The following NBEA variants were observed in gnomAD, a reference collection of about 807,000 sequenced individuals.
NBEA encodes the protein lysosomal-trafficking regulator 2.
NBEA carries 44 observed loss-of-function variants against 343.4 expected under a neutral mutation model. That is an observed-to-expected ratio of 0.13 (90% CI 0.10 to 0.16). The LOEUF (loss-of-function observed/expected upper bound fraction) is 0.16. NBEA is among the 10% of genes least tolerant of loss of function. NBEA has a pLI of 1.00. For synonymous variants in NBEA, 1,175 were observed against 1,238.7 expected, an observed-to-expected ratio of 0.95 and a Z score of 1.08; for missense variants, 2,555 against 3,631.3, an observed-to-expected ratio of 0.70 and a Z score of 7.62.
chr13:35,631,985 A>G (rs1262056795), intron 49 of NBEA, among the ~76,000 whole-genome samples: 2 of 152,188 alleles, frequency 1.3e-5, no homozygotes, highest in African/African-American at 4.8e-5. Flanking sequence ...ACATGACAGT[A>G]CAGTTCTGGT....
intron 34 of NBEA, among the ~76,000 whole-genome samples, chr13:35,269,607 G>C (rs2033970246): frequency 6.6e-6 from 1 of 152,134 alleles, no homozygotes; most frequent in African/African-American, 2.4e-5. Context: ...AACGAATATA[G>C]AACTGTAGGG....
intron 34 of NBEA, among the ~76,000 whole-genome samples, chr13:35,262,896 C>A (rs2152799255): frequency 6.6e-6 from 1 of 152,286 alleles, no homozygotes; most frequent in Non-Finnish European, 1.5e-5. Context: ...GTCAGTCCTA[C>A]CCAAAGCAAT....
rs192889192 is a variant in NBEA at position 35,073,810 on chromosome 13, C to T, written c.1571+2958C>T. Among the ~76,000 whole-genome samples the T allele has an allele frequency of 3.6e-3, 554 of 152,074 alleles. 2 individuals carry two copies. Among genetic ancestry groups the T allele is most frequent in the Admixed American group, 6.0e-3 (92 of 15,244 alleles). ...AGAAGAAGTTAGACGGGCATGGTGG[C>T]ATGCACCTGTAGCCCCAGCTACTGG... On this transcript the variant is annotated intron_variant, in intron 10 of 58. Transcript: ENST00000379939.
chr13:35,123,478 G>A lies in NBEA; in HGVS notation c.2244-4G>A, dbSNP rs746953597. The A allele has an allele frequency of 2.0e-6, 3 of 1,473,196 alleles. No individual in the cohort carries two copies. The highest frequency in any genetic ancestry group is 2.7e-6 in the Non-Finnish European group (3 of 1,097,588). 91.3% of individuals were successfully genotyped at this position (1,473,196 alleles called of 1,614,324 possible). On this transcript the variant is annotated splice_region_variant and splice_polypyrimidine_tract_variant and intron_variant, in intron 16 of 58. Coordinates refer to ENST00000379939, the MANE Select transcript of NBEA (RefSeq NM_001385012.1). ...TTTTAAAAGATAATTTATATATTTTGTAGGGTGATCTACAAATTATTGGCT... is the reference window on the plus strand; with the variant it reads ...TTTTAAAAGATAATTTATATATTTTATAGGGTGATCTACAAATTATTGGCT...
intron 24 of NBEA, chr13:35,165,100 G>T (rs771051654): frequency 4.9e-5 from 26 of 533,874 alleles, no homozygotes; most frequent in South Asian, 3.4e-4. Context: ...CCACGTTCTT[G>T]TTGCCGTATT....
intron 41 of NBEA, chr13:35,476,295 CCCTGCTGCTGCTGCTGCT>C (rs1566191110): frequency 5.7e-6 from 5 of 882,162 alleles, no homozygotes; most frequent in Non-Finnish European, 8.5e-6. Context: ...GCGTTGGTTT[CCCTGCTGCTGCTGCTGCT>C]GCTGCTGCTG....
At chr13:35,043,488 G>GA (rs1024977689) in intron 2 of NBEA, among the ~76,000 whole-genome samples, 1 of 151,642 alleles carries the variant, frequency 6.6e-6, no homozygotes, top group Non-Finnish European at 1.5e-5. Context: ...AATGGACTAA[G>GA]AAAAAAATAC....
chr13:35,129,754 G>A (rs2067314832), intron 17 of NBEA, among the ~76,000 whole-genome samples: 1 of 152,078 alleles, frequency 6.6e-6, no homozygotes, highest in Admixed American at 6.6e-5. Context: ...TGATTTCTCA[G>A]ATTTTGGAAG....
chr13:35,051,248 G>A (rs1401738213), intron 6 of NBEA, among the ~76,000 whole-genome samples: 6 of 151,982 alleles, frequency 3.9e-5, no homozygotes, highest in East Asian at 1.9e-4. Context: ...GATTATCAAC[G>A]TTTTTTAGGG....
intron 38 of NBEA, among the ~76,000 whole-genome samples, chr13:35,374,611 C>T (rs553302328): frequency 6.6e-6 from 1 of 152,106 alleles, no homozygotes; most frequent in Admixed American, 6.5e-5. Context: ...CAAAATCCTG[C>T]AGTTTTATGA....
intron 38 of NBEA, among the ~76,000 whole-genome samples, chr13:35,403,185 T>A (rs1221005107): frequency 1.3e-5 from 2 of 151,406 alleles, no homozygotes; most frequent in Non-Finnish European, 3.0e-5. Context: ...AAATAAAAAA[T>A]TAATTAAAAT....
At chr13:35,063,926 T>C (rs983416827) in intron 8 of NBEA, among the ~76,000 whole-genome samples, 7 of 151,980 alleles carry the variant, frequency 4.6e-5, no homozygotes, top group African/African-American at 7.2e-5. Context: ...AGCAAGTAAG[T>C]GACCCCATGA....
At chr13:35,482,772 T>C (rs2076168837) in intron 41 of NBEA, among the ~76,000 whole-genome samples, 1 of 151,842 alleles carries the variant, frequency 6.6e-6, no homozygotes, top group Admixed American at 6.6e-5. Context: ...TAGTATTCCA[T>C]GATTTTTCCA....
chr13:35,100,810 A>T (rs2065607473), intron 11 of NBEA, among the ~76,000 whole-genome samples: 1 of 151,958 alleles, frequency 6.6e-6, no homozygotes, highest in South Asian at 2.1e-4. Context: ...ATAGAAAATT[A>T]ATCTTTTATC....
intron 18 of NBEA, among the ~76,000 whole-genome samples, chr13:35,149,458 A>G (rs2068638174): frequency 1.3e-5 from 2 of 152,196 alleles, no homozygotes; most frequent in Non-Finnish European, 2.9e-5. Flanking sequence ...ATGTCATGCC[A>G]CTAATAAATA....
chr13:35,349,493 T>A (rs1262056750), intron 37 of NBEA, among the ~76,000 whole-genome samples: 2 of 152,102 alleles, frequency 1.3e-5, no homozygotes, highest in Non-Finnish European at 2.9e-5. Flanking sequence ...AAAAATAATT[T>A]ATAATGCAAC....
At chr13:35,102,430 C>T (rs946188339) in intron 11 of NBEA, among the ~76,000 whole-genome samples, 5 of 151,532 alleles carry the variant, frequency 3.3e-5, no homozygotes, top group African/African-American at 1.2e-4. Flanking sequence ...TATATATCAG[C>T]TTATCAACTT....
chr13:35,572,501 TA>T lies in NBEA; in HGVS notation c.7035+5486del, dbSNP rs144783608. On this transcript the variant is annotated intron_variant, in intron 45 of 58. Transcript: ENST00000379939. ...TTTGACTGACAGATGATGATAAGCA[TA>T]ACCATTTTCCCAAATTATTATGCCA... is the stretch of plus-strand genomic sequence containing the variant. 5.1e-3 allele frequency among the ~76,000 whole-genome samples: 776 copies of T among 152,330 alleles called. 12 individuals carry two copies. Among genetic ancestry groups the T allele is most frequent in the African/African-American group, 0.018 (729 of 41,584 alleles).
rs79735954 is a variant in NBEA, at chr13:35,479,272, G to A, written c.6585+6736G>A. 1.2e-3 allele frequency among the ~76,000 whole-genome samples: 188 copies of A among 152,284 alleles called. 5 individuals carry two copies. In the East Asian group the frequency reaches 0.035, roughly 29 times the overall value. ...CATAACATAGGATTCACCGGTCCGCGATTATCACTGTGGGTGAACTGGGCG... is the reference window on the plus strand; with the variant it reads ...CATAACATAGGATTCACCGGTCCGCAATTATCACTGTGGGTGAACTGGGCG... On this transcript the variant is annotated intron_variant, in intron 41 of 58. Coordinates refer to ENST00000379939, the MANE Select transcript of NBEA (RefSeq NM_001385012.1).
Sources: allele counts gnomAD v4.1 joint callset (sites outside exome capture counted in the v4.1 genomes callset), GRCh38; gene constraint gnomAD v4.1.1; transcripts MANE v1.5; gene names NCBI Gene and HGNC (gene_info 2026-07-23, HGNC 2026-07-21).